MBTPS2: variants seen among roughly 807,000 people sequenced by gnomAD.
MBTPS2 encodes the protein membrane-bound transcription factor site-2 protease.
MBTPS2 carries 2 observed loss-of-function variants against 35.4 expected under a neutral mutation model. The observed-to-expected ratio is 0.06, with a 90% CI of 0.02 to 0.18. MBTPS2 has a LOEUF of 0.18. Ranked by LOEUF, MBTPS2 falls within the 10% of genes least tolerant of loss-of-function variation. MBTPS2 has a pLI of 1.00. For missense variants in MBTPS2, 244 were observed against 386.5 expected (o/e 0.63, Z 3.09); for synonymous variants, 125 against 140.4 (o/e 0.89, Z 0.77).
At chrX:21,851,283 G>T (rs889233336) in intron 3 of MBTPS2, among the ~76,000 whole-genome samples, 2 of 111,997 alleles carry the variant, frequency 1.8e-5, no homozygotes, top group Admixed American at 9.5e-5. Context: ...CTTTAGACTG[G>T]TGGTGTGCTT....
intron 5 of MBTPS2, chrX:21,856,277 T>TCTCGTGCCTTTCTCTGCAG (rs2092921372): frequency 2.6e-6 from 1 of 384,231 alleles, no homozygotes; most frequent in Non-Finnish European, 4.3e-6. Context: ...CTTTCCTCAG[T>TCTCGTGCCTTTCTCTGCAG]CTCGCGCCTT....
At chrX:21,857,896 G>A (rs973863355) in intron 5 of MBTPS2, 9 of 233,518 alleles carry the variant, frequency 3.9e-5, no homozygotes, top group Non-Finnish European at 7.2e-5. Context: ...TCAAGAGACG[G>A]TTCTTACAAA....
At chrX:21,868,319 T>C (rs2092943051) in intron 5 of MBTPS2, 148 bp from the exon 6 acceptor site, 1 of 545,503 alleles carries the variant, frequency 1.8e-6, no homozygotes, top group Admixed American at 2.3e-5. Flanking sequence ...AACATCTGTC[T>C]GCTCTACTAA....
chrX:21,841,625 C>G (rs1393461170), intron 1 of MBTPS2, among the ~76,000 whole-genome samples: 1 of 110,735 alleles, frequency 9.0e-6, no homozygotes, highest in East Asian at 2.8e-4. Context: ...CATAGTAAGA[C>G]ACACACACAA....
chrX:21,882,103 C>T (rs1302617979), intron 10 of MBTPS2, among the ~76,000 whole-genome samples: 1 of 111,730 alleles, frequency 9.0e-6, no homozygotes, highest in Non-Finnish European at 1.9e-5. Flanking sequence ...AGTAATTTTC[C>T]CCTTATTTCT....
At position 21,856,467 on chromosome X, in the gene MBTPS2, CCTAA is replaced by C. The variant is rs747240302; in HGVS notation, c.670+2971_670+2974del. The C allele has an allele frequency of 2.8e-4, 333 of 1,193,977 alleles. 1 individual carries two copies. Among genetic ancestry groups the C allele is most frequent in the South Asian group, 2.6e-3 (141 of 53,977 alleles). ...CCCACGGTCTTCCCGTTGCCGCTAA[CCTAA>C]CTAACTCTCAGCCATGGCCTCCAAC... is the stretch of plus-strand genomic sequence containing the variant. On this transcript the variant is annotated intron_variant, in intron 5 of 10. Coordinates refer to ENST00000379484, the MANE Select transcript of MBTPS2 (RefSeq NM_015884.4).
In MBTPS2 at chrX:21,856,440, TTC is replaced by T. The variant is rs1249214812; in HGVS notation, c.670+2938_670+2939del. On this transcript the variant is annotated intron_variant, in intron 5 of 10. Coordinates refer to ENST00000379484, the MANE Select transcript of MBTPS2 (RefSeq NM_015884.4). ...CACCTCACTCCCCTCAGCGTTCTTTTTCCCACGGTCTTCCCGTTGCCGCTAAC... is the reference window on the plus strand; with the variant it reads ...CACCTCACTCCCCTCAGCGTTCTTTTCCACGGTCTTCCCGTTGCCGCTAAC... 1.0e-5 allele frequency: 12 copies of T among 1,169,268 alleles called. No homozygotes were observed. In the African/African-American group the frequency reaches 2.1e-4, roughly 21 times the overall value.
At chrX:21,842,716 G>A (rs1468221026) in intron 1 of MBTPS2, among the ~76,000 whole-genome samples, 1 of 112,044 alleles carries the variant, frequency 8.9e-6, no homozygotes, top group Non-Finnish European at 1.9e-5. Flanking sequence ...AAAATTTAAA[G>A]TTATATATGT....
intron 2 of MBTPS2, among the ~76,000 whole-genome samples, chrX:21,844,817 A>T (rs1431970868): frequency 2.7e-5 from 3 of 112,362 alleles, no homozygotes; most frequent in Non-Finnish European, 5.6e-5. Flanking sequence ...ACAATAGAAG[A>T]GGTAGATGAA....
intron 5 of MBTPS2, among the ~76,000 whole-genome samples, chrX:21,865,223 T>C (rs765881132): frequency 1.8e-4 from 20 of 110,336 alleles, no homozygotes; most frequent in Non-Finnish European, 3.8e-4. Context: ...AAATATATAC[T>C]GATTTTGAAA....
chrX:21,883,121 G>GAAAAGTTTTTTAAAAGTTTTTT lies in MBTPS2; in HGVS notation c.*472_*473insTTTTTAAAAGTTTTTTAAAAGT, dbSNP rs2092961101. 1.3e-6 allele frequency: 1 copy of GAAAAGTTTTTTAAAAGTTTTTT among 766,498 alleles called. No individual in the cohort carries two copies. Among genetic ancestry groups the GAAAAGTTTTTTAAAAGTTTTTT allele is most frequent in the Admixed American group, 7.4e-5 (1 of 13,581 alleles). 63.2% of individuals were successfully genotyped at this position (766,498 alleles called of 1,213,427 possible). On this transcript the variant is annotated 3_prime_UTR_variant, in exon 11 of 11. Transcript: ENST00000379484. ...GTATCTCTTGTCCTTTGTCTTGTTT[G>GAAAAGTTTTTTAAAAGTTTTTT]AAAAGTATTTTAAAACTTAATGGTG...
At chrX:21,869,771 C>T in intron 7 of MBTPS2, 93 bp downstream of exon 7, 1 of 746,172 alleles carries the variant, frequency 1.3e-6, no homozygotes, top group Non-Finnish European at 2.1e-6. Context: ...TTATTCTGTT[C>T]TAATCTGTTT....
intron 1 of MBTPS2, 41 bp downstream of exon 1, chrX:21,839,850 T>C: frequency 8.8e-7 from 1 of 1,131,077 alleles, no homozygotes; most frequent in Non-Finnish European, 1.2e-6. Context: ...GCGGTGCCCA[T>C]GGCCGGAGCG....
Position 21,878,061 on chromosome X carries a change from T to C in MBTPS2, c.990T>C (p.Gly330=). 1 of 1,199,963 alleles carries C rather than the reference T, an allele frequency of 8.3e-7. No individual in the cohort carries two copies. Among genetic ancestry groups the C allele is most frequent in the Non-Finnish European group, 1.1e-6 (1 of 884,532 alleles). Residue 330 remains glycine, a synonymous_variant, in exon 8 of 11, where the codon GGT becomes GGC. Transcript: ENST00000379484. The part of the protein sequence containing the change: ...FPVRAYKRLD[G]STECCNNHSL... ...CTTTAGCATACAAACGACTAGATGG[T>C]TCAACTGAATGCTGTAACAATCACA...
At chrX:21,855,462 C>G (rs992909553) in intron 5 of MBTPS2, among the ~76,000 whole-genome samples, 1 of 109,923 alleles carries the variant, frequency 9.1e-6, no homozygotes, top group Non-Finnish European at 1.9e-5. Flanking sequence ...GATGGAGTCT[C>G]GCTGTGTTGC....
intron 2 of MBTPS2, 145 bp from the exon 3 acceptor site, chrX:21,845,026 G>T: frequency 4.7e-6 from 4 of 854,314 alleles, no homozygotes; most frequent in Non-Finnish European, 5.0e-6. Flanking sequence ...TCAAATATTT[G>T]AAGTTCATGT....
chrX:21,868,421 T>C, intron 5 of MBTPS2, 46 bp from the exon 6 acceptor site: 1 of 817,029 alleles, frequency 1.2e-6, no homozygotes, highest in Non-Finnish European at 1.9e-6. Context: ...ACTTATATCA[T>C]TCCTGCCCCC....
rs954795194 is a variant in MBTPS2, at chrX:21,883,839, C to T, written c.*1184C>T. ...CTTGAGCCCAGAAGAGCCACGCCTG[C>T]TTTGAGGTCTTTTGGAGTGGAGATG... On this transcript the variant is annotated 3_prime_UTR_variant, in exon 11 of 11. Transcript: ENST00000379484. 4 of 752,132 alleles carry T rather than the reference C, an allele frequency of 5.3e-6. No individual in the cohort carries two copies. The African/African-American group carries it at 9.3e-5, about 17-fold the overall frequency. The allele number at this position is 752,132 out of a possible 1,213,427, so 62.0% of individuals were successfully genotyped here.
chrX:21,859,193 AT>A (rs2092928063), intron 5 of MBTPS2, among the ~76,000 whole-genome samples: 1 of 112,087 alleles, frequency 8.9e-6, no homozygotes, highest in South Asian at 3.7e-4. Context: ...TTGTAAAAAA[AT>A]TCAAAATGTT....
Sources: gnomAD v4.1 joint callset for allele counts (sites outside exome capture counted in the v4.1 genomes callset) on GRCh38, gnomAD v4.1.1 for gene constraint, MANE v1.5 for transcripts, NCBI Gene and HGNC (gene_info 2026-07-23, HGNC 2026-07-21) for gene names.